EFCAB5: variants seen among roughly 807,000 people sequenced by gnomAD.
EFCAB5 encodes EF-hand calcium-binding domain-containing protein 5.
Under a neutral mutation model 167.9 loss-of-function variants are expected in EFCAB5, and 131 were observed. That is an observed-to-expected ratio of 0.78 (90% CI 0.68 to 0.90). EFCAB5 has a LOEUF of 0.90. EFCAB5 is among the 40% of genes least tolerant of loss of function. EFCAB5 has a pLI of 0.00. For synonymous variants in EFCAB5, 574 were observed against 602.8 expected (o/e 0.95, Z 0.70); for missense variants, 1,663 against 1,745.2 (o/e 0.95, Z 0.84).
chr17:30,096,677 A>ATTT (rs71278522), intron 22 of EFCAB5, among the ~76,000 whole-genome samples: 103 of 60,136 alleles, frequency 1.7e-3, no homozygotes, highest in Non-Finnish European at 2.1e-3. Flanking sequence ...ATATATATAT[A>ATTT]TTTTTTTTTT....
intron 14 of EFCAB5, among the ~76,000 whole-genome samples, chr17:30,071,161 C>T (rs2070727574): frequency 6.7e-6 from 1 of 149,738 alleles, no homozygotes; most frequent in Non-Finnish European, 1.5e-5. Context: ...TTTTAAAAAG[C>T]TTCTGCAGTG....
intron 3 of EFCAB5, among the ~76,000 whole-genome samples, chr17:29,955,100 G>T (rs2067587023): frequency 6.6e-6 from 1 of 152,180 alleles, no homozygotes; most frequent in South Asian, 2.1e-4. Flanking sequence ...AGGCAGAAGG[G>T]ACTTGCCTTG....
At chr17:30,054,996 G>C (rs1387266125) in intron 10 of EFCAB5, among the ~76,000 whole-genome samples, 1 of 152,158 alleles carries the variant, frequency 6.6e-6, no homozygotes, top group Non-Finnish European at 1.5e-5. Context: ...TACCTTTGAA[G>C]TGAAAAGGTG....
intron 7 of EFCAB5, chr17:30,031,685 G>A (rs1356162343): frequency 6.6e-6 from 1 of 152,138 alleles, no homozygotes. Context: ...TGTTCCCATG[G>A]TAACAGCTAA....
intron 8 of EFCAB5, among the ~76,000 whole-genome samples, chr17:30,047,334 C>A (rs1247493392): frequency 6.6e-6 from 1 of 152,082 alleles, no homozygotes; most frequent in African/African-American, 2.4e-5. Flanking sequence ...TGAGAAATAA[C>A]TAAAGAAATT....
At chr17:30,072,495 A>T (rs1035951415) in intron 14 of EFCAB5, among the ~76,000 whole-genome samples, 5 of 152,226 alleles carry the variant, frequency 3.3e-5, no homozygotes, top group African/African-American at 1.2e-4. Context: ...AGTAGCTAGC[A>T]TAAAATTCCT....
In EFCAB5 at chr17:30,027,072, T is replaced by C. The variant is rs1008880285; in HGVS notation, c.1045-7158T>C. ...CGCAATCTCAGCTCACTGCAAGCTCTGCCTCCCAGGTTCATGCCTTTCTCC... is the reference window on the plus strand; with the variant it reads ...CGCAATCTCAGCTCACTGCAAGCTCCGCCTCCCAGGTTCATGCCTTTCTCC... On this transcript the variant is annotated intron_variant, in intron 7 of 22. Coordinates refer to ENST00000394835, the MANE Select transcript of EFCAB5 (RefSeq NM_198529.4). 9.2e-4 allele frequency among the ~76,000 whole-genome samples: 127 copies of C among 137,594 alleles called. 10 individuals carry two copies. The highest frequency in any genetic ancestry group is 1.8e-4 in the Non-Finnish European group (12 of 65,246). The allele number at this position is 137,594 out of a possible 152,430, so 90.3% of individuals were successfully genotyped here.
At chr17:29,933,114 C>T (rs548913824) in intron 1 of EFCAB5, among the ~76,000 whole-genome samples, 1 of 152,230 alleles carries the variant, frequency 6.6e-6, no homozygotes, top group Admixed American at 6.5e-5. Context: ...GGCTCAAAGC[C>T]AATTAGTAGG....
chr17:29,937,021 G>A (rs2067251114), upstream of EFCAB5, among the ~76,000 whole-genome samples: 1 of 152,156 alleles, frequency 6.6e-6, no homozygotes, highest in Non-Finnish European at 1.5e-5. Flanking sequence ...CAAGGACTGT[G>A]TTGATTTGCT....
chr17:29,989,906 T>G (rs1208448867), intron 4 of EFCAB5, among the ~76,000 whole-genome samples: 1 of 152,204 alleles, frequency 6.6e-6, no homozygotes, highest in Non-Finnish European at 1.5e-5. Context: ...GAACTTTGTC[T>G]TTCTGCTTGA....
chr17:29,940,308 C>T (rs2067281264), upstream of EFCAB5, among the ~76,000 whole-genome samples: 1 of 152,172 alleles, frequency 6.6e-6, no homozygotes, highest in South Asian at 2.1e-4. Flanking sequence ...AACTCCTGAC[C>T]TCAGGTGATC....
chr17:29,998,948 ACT>A (rs1375604513), intron 6 of EFCAB5, among the ~76,000 whole-genome samples: 1 of 151,814 alleles, frequency 6.6e-6, no homozygotes, highest in African/African-American at 2.4e-5. Context: ...ATTACTGATC[ACT>A]CTAATTTATG....
chr17:30,056,629 A>G (rs1286244176), intron 12 of EFCAB5, among the ~76,000 whole-genome samples: 1 of 152,228 alleles, frequency 6.6e-6, no homozygotes, highest in Non-Finnish European at 1.5e-5. Flanking sequence ...TCTGGCTTTC[A>G]GACAAAGCAT....
chr17:29,960,904 T>C (rs1197552503), intron 3 of EFCAB5, among the ~76,000 whole-genome samples: 1 of 152,128 alleles, frequency 6.6e-6, no homozygotes, highest in Admixed American at 6.6e-5. Context: ...GTATGCTACC[T>C]AGGCTGGAAT....
intron 22 of EFCAB5, among the ~76,000 whole-genome samples, chr17:30,104,799 C>A (rs1366955977): frequency 1.3e-5 from 2 of 152,036 alleles, no homozygotes; most frequent in Non-Finnish European, 2.9e-5. Context: ...AAACAGGAAC[C>A]ACCGTCCAGA....
At chr17:30,067,975 CG>C (rs1417045523) in intron 14 of EFCAB5, among the ~76,000 whole-genome samples, 1 of 152,132 alleles carries the variant, frequency 6.6e-6, no homozygotes, top group African/African-American at 2.4e-5. Flanking sequence ...AACGGATAAA[CG>C]AATTCAGTAA....
intron 3 of EFCAB5, among the ~76,000 whole-genome samples, chr17:29,955,515 G>A (rs1031499987): frequency 4.6e-5 from 7 of 152,056 alleles, no homozygotes; most frequent in African/African-American, 1.5e-4. Context: ...CCCCAGCCAC[G>A]TGGAACTGTG....
intron 14 of EFCAB5, among the ~76,000 whole-genome samples, chr17:30,071,930 T>C (rs780985487): frequency 2.6e-5 from 4 of 152,220 alleles, no homozygotes; most frequent in Non-Finnish European, 4.4e-5. Context: ...TACTCATATG[T>C]TGAAGCTAAA....
rs371562107 is a variant in EFCAB5 at position 29,996,318 on chromosome 17, A to G, written c.931A>G (p.Asn311Asp). 7.7e-6 allele frequency: 12 copies of G among 1,550,448 alleles called. No individual in the cohort carries two copies. In the African/African-American group the frequency reaches 1.4e-4, roughly 18 times the overall value. The change falls in exon 6 of 23, where the codon AAT becomes GAT. Residue 311 changes from asparagine (N) to aspartate (D), a missense_variant. Asn to Asp is a conservative substitution (Grantham distance 23, BLOSUM62 1). Transcript: ENST00000394835. ...TTCCTCTTTTGAGTTGCAGATTCAG[A>G]ATGTTCTTCAAGAATTCTTTCAAAA... is the stretch of plus-strand genomic sequence containing the variant. ...KGMIPKSVIQNVLQEFFQNPD... is the reference protein window; with the variant it reads ...KGMIPKSVIQDVLQEFFQNPD...
Sources: allele counts gnomAD v4.1 joint callset (sites outside exome capture counted in the v4.1 genomes callset), GRCh38; gene constraint gnomAD v4.1.1; transcripts MANE v1.5; gene names NCBI Gene and HGNC (gene_info 2026-07-23, HGNC 2026-07-21).